Variants in PGA3 observed in about 807,000 individuals in gnomAD.
PGA3 encodes the protein pepsinogen A3, also known as pepsin A-3.
A neutral mutation model predicts 15.6 loss-of-function variants in PGA3; 1 was observed. That is an observed-to-expected ratio of 0.06 (90% CI 0.02 to 0.30). The LOEUF (loss-of-function observed/expected upper bound fraction) is 0.30. PGA3 is among the 10% of genes least tolerant of loss of function. PGA3 has a pLI of 1.00. For missense variants in PGA3, 29 were observed against 183.7 expected (o/e 0.16, Z 4.87); for synonymous variants, 14 against 79.5 (o/e 0.18, Z 4.38).
chr11:61,203,517 C>T lies in PGA3; in HGVS notation c.-48C>T. 2 of 1,611,284 alleles carry T rather than the reference C, an allele frequency of 1.2e-6. No homozygotes were observed. The highest frequency in any genetic ancestry group is 3.3e-5 in the Admixed American group (2 of 60,016). Reference sequence around the variant, plus strand: ...GGCAGCTCATGCTGCTGCTCTGCACCTTCCTCCCGTCTTGCCTTCTCCCTC... The same window carrying T: ...GGCAGCTCATGCTGCTGCTCTGCACTTTCCTCCCGTCTTGCCTTCTCCCTC... On this transcript the variant is annotated 5_prime_UTR_variant, in exon 1 of 9. Coordinates refer to ENST00000325558, the MANE Select transcript of PGA3 (RefSeq NM_001079807.4).
chr11:61,205,186 GT>G (rs1565206815), intron 2 of PGA3, among the ~76,000 whole-genome samples: 1 of 151,936 alleles, frequency 6.6e-6, no homozygotes, highest in Non-Finnish European at 1.5e-5. Flanking sequence ...AATATCTACC[GT>G]CAGAGGATGT....
rs1421580079 is a variant in PGA3, at chr11:61,206,061, G to A, written c.220-449G>A. 8.3e-6 allele frequency: 2 copies of A among 241,220 alleles called. 1 individual carries two copies. Among genetic ancestry groups the A allele is most frequent in the African/African-American group, 5.2e-5 (2 of 38,110 alleles). The allele number at this position is 241,220 out of a possible 1,614,324, so 14.9% of individuals were successfully genotyped here. The stretch of plus-strand genomic sequence containing the variant: ...AACCTGCTGTACACATCTAGACGTA[G>A]AAATAAGAAAACTGGACAGGTTTCC... On this transcript the variant is annotated intron_variant, in intron 2 of 8. Coordinates refer to ENST00000325558, the MANE Select transcript of PGA3 (RefSeq NM_001079807.4).
intron 2 of PGA3, 43 bp from the exon 3 acceptor site, chr11:61,206,465 CAG>C (rs1430993086): frequency 1.5e-4 from 4 of 25,892 alleles, no homozygotes; most frequent in South Asian, 7.8e-4. Context: ...GAGGCCCTGA[CAG>C]AGAGACCCCG....
rs368726745 is a variant in PGA3 at position 61,203,681 on chromosome 11, G to A, written c.56+61G>A. 38 of 1,607,606 alleles carry A rather than the reference G, an allele frequency of 2.4e-5. No homozygotes were observed. The African/African-American group carries it at 2.5e-4, about 10-fold the overall frequency. On this transcript the variant is annotated intron_variant, in intron 1 of 8. Coordinates refer to ENST00000325558, the MANE Select transcript of PGA3 (RefSeq NM_001079807.4). ...TCCCACATCACCTTTCTTTCCTCCC[G>A]TGTCTTCCTTCTTCCCTTTTTTCTC...
In PGA3 at chr11:61,203,628, C is replaced by T. The variant is rs775236717; in HGVS notation, c.56+8C>T. ...TGAGTGCATCATGTACAAGTGAGTC[C>T]GGGTGGTGTGGGTGTGAAGACGCTG... On this transcript the variant is annotated splice_region_variant and intron_variant, in intron 1 of 8. Transcript: ENST00000325558. 132 of 1,603,976 alleles carry T rather than the reference C, an allele frequency of 8.2e-5. 1 individual carries two copies. The East Asian group carries it at 1.8e-3, about 22-fold the overall frequency.
Position 61,203,628 on chromosome 11 carries a change from C to A in PGA3, c.56+8C>A. 2 of 1,603,984 alleles carry A rather than the reference C, an allele frequency of 1.2e-6. No individual in the cohort carries two copies. The highest frequency in any genetic ancestry group is 1.7e-6 in the Non-Finnish European group (2 of 1,173,202). ...TGAGTGCATCATGTACAAGTGAGTC[C>A]GGGTGGTGTGGGTGTGAAGACGCTG... On this transcript the variant is annotated splice_region_variant and intron_variant, in intron 1 of 8. Coordinates refer to ENST00000325558, the MANE Select transcript of PGA3 (RefSeq NM_001079807.4).
intron 2 of PGA3, chr11:61,204,766 G>C (rs1272976481): frequency 5.8e-6 from 1 of 173,532 alleles, no homozygotes; most frequent in Admixed American, 5.4e-5. Context: ...TGTAGCAGGC[G>C]GGAGCACAGT....
intron 2 of PGA3, among the ~76,000 whole-genome samples, chr11:61,205,439 A>G (rs1245995117): frequency 6.6e-6 from 1 of 152,204 alleles, no homozygotes. Flanking sequence ...TCAGATAATG[A>G]TGAGGACCAT....
chr11:61,211,535 A>C (rs1565207465), intron 8 of PGA3, 100 bp downstream of exon 8: 1 of 1,392,894 alleles, frequency 7.2e-7, no homozygotes, highest in African/African-American at 1.4e-5. Context: ...AGCTGAAGCC[A>C]AGAGGCAGAG....
At position 61,206,512 on chromosome 11, in the gene PGA3, G is replaced by A. The variant is rs1299967925; in HGVS notation, c.222G>A (p.Met74Ile). 1.1e-4 allele frequency: 7 copies of A among 64,456 alleles called. No homozygotes were observed. The highest frequency in any genetic ancestry group is 2.3e-4 in the Non-Finnish European group (7 of 31,090). The allele number at this position is 64,456 out of a possible 1,614,324, so 4.0% of individuals were successfully genotyped here. A position where few individuals can be genotyped will look rare whatever the true frequency, so the allele number is the denominator to read the frequency against. ...CTGCCCTGTCCTCGCCTGGACAGAT[G>A]GAGTACTTCGGCACTATCGGCATCG... ...DEQPLENYLD[M>I]EYFGTIGIGT... is the part of the protein sequence containing the mutation. The change falls in exon 3 of 9, where the codon ATG becomes ATA. Residue 74 changes from methionine to isoleucine, a missense_variant and splice_region_variant. Met to Ile is a conservative substitution (Grantham distance 10). Coordinates refer to ENST00000325558, the MANE Select transcript of PGA3 (RefSeq NM_001079807.4).
rs771747618 is a variant in PGA3, at chr11:61,203,620, A to G, written c.56A>G (p.Lys19Arg). The G allele has an allele frequency of 2.5e-6, 4 of 1,605,044 alleles. No individual in the cohort carries two copies. The highest frequency in any genetic ancestry group is 3.4e-6 in the Non-Finnish European group (4 of 1,174,126). The change falls in exon 1 of 9, where the codon AAG (lysine) becomes AGG (arginine). Residue 19 changes from lysine to arginine, a missense_variant and splice_region_variant. Coordinates refer to ENST00000325558, the MANE Select transcript of PGA3 (RefSeq NM_001079807.4). The part of the protein sequence containing the change: ...LVALSECIMY[K>R]VPLIRKKSLR... Reference sequence around the variant, plus strand: ...GCACTCTCTGAGTGCATCATGTACAAGTGAGTCCGGGTGGTGTGGGTGTGA... The same window carrying G: ...GCACTCTCTGAGTGCATCATGTACAGGTGAGTCCGGGTGGTGTGGGTGTGA...
intron 2 of PGA3, chr11:61,205,994 T>TTAAAAAA (rs376217050): frequency 0.37 from 46,539 of 125,674 alleles, 4,334 homozygotes; most frequent in African/African-American, 0.51. Context: ...GAGACTTGTC[T>TTAAAAAA]CAAAAAAAAA....
chr11:61,204,564 C>G (rs867396301), intron 2 of PGA3: 9 of 549,244 alleles, frequency 1.6e-5, no homozygotes, highest in African/African-American at 7.6e-5. Flanking sequence ...GCCTAGGAGA[C>G]AAACACAGTC....
chr11:61,205,127 T>C (rs1431190167), intron 2 of PGA3, among the ~76,000 whole-genome samples: 7 of 151,996 alleles, frequency 4.6e-5, no homozygotes, highest in Admixed American at 1.3e-4. Context: ...CTTGGCCAAG[T>C]CATTTAAATA....
intron 8 of PGA3, among the ~76,000 whole-genome samples, chr11:61,211,935 T>C (rs1396495665): frequency 1.3e-5 from 2 of 150,066 alleles, no homozygotes; most frequent in African/African-American, 4.9e-5. Context: ...AGCAAATCTT[T>C]AGCTATACGA....
intron 2 of PGA3, chr11:61,206,040 T>G (rs1853924223): frequency 5.1e-6 from 1 of 194,890 alleles, no homozygotes; most frequent in Middle Eastern, 2.6e-3. Flanking sequence ...TCTCAAAACC[T>G]GCTGTACACA....
At chr11:61,204,360 CT>C in intron 2 of PGA3, 91 bp downstream of exon 2, 1 of 885,826 alleles carries the variant, frequency 1.1e-6, no homozygotes, top group Non-Finnish European at 1.6e-6. Flanking sequence ...CGGGCCTGGG[CT>C]CTGTGGCTCC....
intron 2 of PGA3, chr11:61,204,541 G>A (rs1442579146): frequency 2.1e-5 from 11 of 525,340 alleles, no homozygotes; most frequent in African/African-American, 7.7e-5. Context: ...AGACAGCAGT[G>A]AGCAAACTCA....
intron 2 of PGA3, chr11:61,205,773 G>A (rs1853919858): frequency 1.8e-5 from 2 of 110,632 alleles, no homozygotes; most frequent in Non-Finnish European, 4.1e-5. Flanking sequence ...GGAGGCGGGT[G>A]GATCACTTGA....
Sources: allele counts gnomAD v4.1 joint callset (sites outside exome capture counted in the v4.1 genomes callset), GRCh38; gene constraint gnomAD v4.1.1; transcripts MANE v1.5; gene names NCBI Gene and HGNC (gene_info 2026-07-23, HGNC 2026-07-21).